ELFN2: variants seen among roughly 807,000 people sequenced by gnomAD.
ELFN2 encodes protein phosphatase 1 regulatory subunit 29.
ELFN2 carries 17 observed loss-of-function variants against 45.5 expected under a neutral mutation model. The ratio of observed to expected loss-of-function variants is 0.37; its 90% CI spans 0.26 to 0.56. The LOEUF (loss-of-function observed/expected upper bound fraction) is 0.56. Among genes scored for constraint, ELFN2 ranks in the 20% least tolerant of loss-of-function variants. ELFN2 has a pLI of 0.77. For synonymous variants in ELFN2, 550 were observed against 551.5 expected (o/e 1.00, Z 0.04); for missense variants, 922 against 1,183.2 (o/e 0.78, Z 3.24).
At chr22:37,426,508 C>T (rs1407047722) in intron 1 of ELFN2, among the ~76,000 whole-genome samples, 4 of 151,950 alleles carry the variant, frequency 2.6e-5, no homozygotes, top group Admixed American at 1.3e-4. Flanking sequence ...ACACCACACA[C>T]ACACAGCACG....
chr22:37,369,439 G>A lies in ELFN2; in HGVS notation c.*3633C>T, dbSNP rs1316062314. 6.6e-6 allele frequency: 1 copy of A among 152,256 alleles called. No homozygotes were observed. The highest frequency in any genetic ancestry group is 1.5e-5 in the Non-Finnish European group (1 of 68,110). 9.4% of individuals were successfully genotyped at this position (152,256 alleles called of 1,614,324 possible). On this transcript the variant is annotated 3_prime_UTR_variant, in exon 3 of 3. Coordinates refer to ENST00000402918, the MANE Select transcript of ELFN2 (RefSeq NM_052906.5). ...AGCCTGGACACAGGCTGCTCCCACA[G>A]GCCTCCTGCACTGCCTCAGGAGGGG...
At chr22:37,399,100 C>A (rs181940580) in intron 2 of ELFN2, among the ~76,000 whole-genome samples, 1 of 152,290 alleles carries the variant, frequency 6.6e-6, no homozygotes, top group Admixed American at 6.5e-5. Context: ...TCCCTCCCCA[C>A]TCCCAGGGAT....
chr22:37,359,058 C>T (rs551829339), intron 1 of ELFN2, among the ~76,000 whole-genome samples: 6 of 151,998 alleles, frequency 3.9e-5, no homozygotes, highest in Non-Finnish European at 8.8e-5. Context: ...AGCCCTGGGG[C>T]TTGGGGGAGT....
At chr22:37,395,296 A>G (rs1011715716) in intron 2 of ELFN2, among the ~76,000 whole-genome samples, 14 of 152,176 alleles carry the variant, frequency 9.2e-5, no homozygotes, top group Admixed American at 6.5e-4. Flanking sequence ...AACGTCCTAG[A>G]AGTAGTCAAG....
chr22:37,341,040 G>A (rs560873004), intron 2 of ELFN2: 2 of 152,538 alleles, frequency 1.3e-5, no homozygotes, highest in South Asian at 2.1e-4. Context: ...GAGAGGGAGG[G>A]AGAAGGGGAG....
At chr22:37,358,981 C>T (rs117735252) in intron 1 of ELFN2, among the ~76,000 whole-genome samples, 2,573 of 152,144 alleles carry the variant, frequency 0.017, 28 homozygotes, top group Middle Eastern at 0.082. Context: ...GACTGGGGGC[C>T]GCTGGGCTAT....
At chr22:37,413,386 G>T (rs1601769840) in intron 2 of ELFN2, among the ~76,000 whole-genome samples, 1 of 147,834 alleles carries the variant, frequency 6.8e-6, no homozygotes. Context: ...GGGCAACACG[G>T]TGAGATCCCG....
At chr22:37,341,798 G>T (rs1930565775) in intron 2 of ELFN2, among the ~76,000 whole-genome samples, 1 of 152,174 alleles carries the variant, frequency 6.6e-6, no homozygotes, top group Admixed American at 6.5e-5. Flanking sequence ...TCTGAACCTT[G>T]GTTTCCTCAT....
At chr22:37,404,397 G>C (rs1445030749) in intron 2 of ELFN2, among the ~76,000 whole-genome samples, 1 of 152,120 alleles carries the variant, frequency 6.6e-6, no homozygotes, top group Non-Finnish European at 1.5e-5. Context: ...AGGATGGAGA[G>C]AGAGACCAAG....
chr22:37,419,506 C>A (rs748597973), intron 1 of ELFN2, among the ~76,000 whole-genome samples: 1 of 152,064 alleles, frequency 6.6e-6, no homozygotes, highest in African/African-American at 2.4e-5. Flanking sequence ...GCGCCCCACA[C>A]AGACACCCTC....
intron 2 of ELFN2, among the ~76,000 whole-genome samples, chr22:37,381,233 C>G (rs1021927383): frequency 6.6e-6 from 1 of 152,152 alleles, no homozygotes; most frequent in African/African-American, 2.4e-5. Context: ...AAGACAGAGG[C>G]TCTCTCCTCC....
rs6000682 is a variant in ELFN2 at position 37,347,559 on chromosome 22, C to G, written n.149-4856G>C. Among the ~76,000 whole-genome samples, 8 of 151,990 alleles carry G rather than the reference C, an allele frequency of 5.3e-5. No homozygotes were observed. The South Asian group carries it at 1.7e-3, about 32-fold the overall frequency. On this transcript the variant is annotated intron_variant and non_coding_transcript_variant, in intron 1 of 2. Coordinates refer to ENST00000452946, the Ensembl canonical transcript of ELFN2. Reference sequence around the variant, plus strand: ...TGGGAATGTACCTGGGGCCTGCAGCCGCACCCTCCATGTCATAGATAAACA... The same window carrying G: ...TGGGAATGTACCTGGGGCCTGCAGCGGCACCCTCCATGTCATAGATAAACA...
At chr22:37,389,724 T>A (rs1340332756) in intron 2 of ELFN2, among the ~76,000 whole-genome samples, 1 of 152,144 alleles carries the variant, frequency 6.6e-6, no homozygotes, top group African/African-American at 2.4e-5. Flanking sequence ...TGCTGAGCTG[T>A]TTAGCCCTTG....
chr22:37,413,508 T>A (rs2145684058), intron 2 of ELFN2, among the ~76,000 whole-genome samples: 1 of 150,012 alleles, frequency 6.7e-6, no homozygotes, highest in East Asian at 2.0e-4. Flanking sequence ...GCTGCAAGGC[T>A]GCAGTGAGCC....
chr22:37,402,533 C>T (rs1932388810), intron 2 of ELFN2, among the ~76,000 whole-genome samples: 1 of 152,182 alleles, frequency 6.6e-6, no homozygotes, highest in African/African-American at 2.4e-5. Context: ...CATCACTAGG[C>T]CCAGCTGACC....
At chr22:37,365,438 T>C (rs1359501722), downstream of ELFN2, among the ~76,000 whole-genome samples, 2 of 152,080 alleles carry the variant, frequency 1.3e-5, no homozygotes, top group African/African-American at 4.8e-5. Flanking sequence ...TGAGGACACC[T>C]AGCTTCCCTG....
At position 37,374,728 on chromosome 22, in the gene ELFN2, T is replaced by C. The variant is rs1361595547; in HGVS notation, c.807A>G (p.Pro269=). ...TPYSTDAQRE[P]DENSGFNPDE... ...CGGGGTTGAAGCCCGAGTTCTCGTC[T>C]GGCTCCCTCTGGGCGTCGGTGGAGT... Residue 269 remains proline, a synonymous_variant, in exon 3 of 3, where the codon CCA becomes CCG. Coordinates refer to ENST00000402918, the MANE Select transcript of ELFN2 (RefSeq NM_052906.5). The C allele has an allele frequency of 6.2e-6, 10 of 1,611,810 alleles. No individual in the cohort carries two copies. The highest frequency in any genetic ancestry group is 8.5e-6 in the Non-Finnish European group (10 of 1,178,828).
At chr22:37,347,970 C>T (rs1930735351) in intron 1 of ELFN2, among the ~76,000 whole-genome samples, 1 of 152,224 alleles carries the variant, frequency 6.6e-6, no homozygotes, top group Non-Finnish European at 1.5e-5. Context: ...CATCTCTGAT[C>T]TCTTGTGAAG....
At chr22:37,362,697 C>T (rs1345824570) in intron 1 of ELFN2, among the ~76,000 whole-genome samples, 1 of 152,180 alleles carries the variant, frequency 6.6e-6, no homozygotes, top group Non-Finnish European at 1.5e-5. Context: ...GGGCCAATTA[C>T]TGTCTCTGAG....
Sources: allele counts gnomAD v4.1 joint callset (sites outside exome capture counted in the v4.1 genomes callset), GRCh38; gene constraint gnomAD v4.1.1; transcripts MANE v1.5; gene names NCBI Gene and HGNC (gene_info 2026-07-23, HGNC 2026-07-21).